FSTL5: variants seen among roughly 807,000 people sequenced by gnomAD.
The protein encoded by FSTL5 is follistatin like 5.
In FSTL5, 62 loss-of-function variants were observed where a neutral mutation model predicts 89.1. The ratio of observed to expected loss-of-function variants is 0.70; its 90% confidence interval spans 0.57 to 0.86. The LOEUF is 0.86. Among genes scored for constraint, FSTL5 ranks in the 40% least tolerant of loss-of-function variants. The pLI is 0.00. For missense variants in FSTL5, 1,057 were observed against 1,001.6 expected (o/e 1.06, Z -0.75); for synonymous variants, 383 against 346.2 (o/e 1.11, Z -1.18).
intron 6 of FSTL5, among the ~76,000 whole-genome samples, chr4:161,678,880 G>T (rs1737415249): frequency 6.6e-6 from 1 of 151,692 alleles, no homozygotes; most frequent in South Asian, 2.1e-4. Flanking sequence ...ACATGAAGGG[G>T]TATTAATGTC....
At chr4:161,795,999 G>T (rs1729622170) in intron 4 of FSTL5, among the ~76,000 whole-genome samples, 1 of 151,734 alleles carries the variant, frequency 6.6e-6, no homozygotes, top group African/African-American at 2.4e-5. Context: ...CATATGCACA[G>T]CCAAAAATAC....
At chr4:161,511,620 A>G (rs1722854476) in intron 10 of FSTL5, among the ~76,000 whole-genome samples, 1 of 152,172 alleles carries the variant, frequency 6.6e-6, no homozygotes, top group African/African-American at 2.4e-5. Flanking sequence ...TAATCATTAC[A>G]TAATATATAC....
intron 4 of FSTL5, among the ~76,000 whole-genome samples, chr4:161,893,831 T>A (rs1398946711): frequency 6.6e-6 from 1 of 152,160 alleles, no homozygotes; most frequent in African/African-American, 2.4e-5. Flanking sequence ...TCAGCAGTTT[T>A]TATTAACTGA....
chr4:162,004,954 C>A (rs1022364000), intron 3 of FSTL5, among the ~76,000 whole-genome samples: 1 of 152,098 alleles, frequency 6.6e-6, no homozygotes, highest in Non-Finnish European at 1.5e-5. Flanking sequence ...TTTCAAACCA[C>A]GCTTCACACT....
At chr4:161,871,045 T>C (rs1732246236) in intron 4 of FSTL5, among the ~76,000 whole-genome samples, 1 of 152,108 alleles carries the variant, frequency 6.6e-6, no homozygotes, top group Admixed American at 6.5e-5. Flanking sequence ...TTCATAATAT[T>C]TTTTTCCAGG....
intron 1 of FSTL5, among the ~76,000 whole-genome samples, chr4:162,123,727 G>T (rs565254011): frequency 1.3e-5 from 2 of 152,260 alleles, no homozygotes; most frequent in Admixed American, 6.5e-5. Flanking sequence ...CAAGTCATGA[G>T]CAAATAATAC....
At chr4:161,812,287 T>C (rs1730173635) in intron 4 of FSTL5, among the ~76,000 whole-genome samples, 1 of 152,192 alleles carries the variant, frequency 6.6e-6, no homozygotes, top group Non-Finnish European at 1.5e-5. Context: ...GCACTGTGAA[T>C]TTTCAAGAGA....
chr4:161,666,996 T>C (rs543412552), intron 6 of FSTL5, among the ~76,000 whole-genome samples: 4 of 150,680 alleles, frequency 2.7e-5, no homozygotes, highest in African/African-American at 1.0e-4. Flanking sequence ...TGAAATATTG[T>C]TTTTTATTCT....
At chr4:162,018,924 G>T (rs1453768585) in intron 3 of FSTL5, among the ~76,000 whole-genome samples, 1 of 152,068 alleles carries the variant, frequency 6.6e-6, no homozygotes, top group Non-Finnish European at 1.5e-5. Flanking sequence ...TGTCTGAATT[G>T]TCCATATATT....
intron 4 of FSTL5, among the ~76,000 whole-genome samples, chr4:161,843,688 T>C (rs551461735): frequency 9.1e-4 from 138 of 152,182 alleles, no homozygotes; most frequent in African/African-American, 3.2e-3. Flanking sequence ...AAACAAGCAA[T>C]GGGGAAAGGA....
intron 2 of FSTL5, among the ~76,000 whole-genome samples, chr4:162,064,984 C>A (rs570701468): frequency 3.5e-4 from 53 of 151,896 alleles, no homozygotes; most frequent in African/African-American, 1.3e-3. Flanking sequence ...GGGAAGAGTG[C>A]CATGAATACA....
At chr4:161,819,080 G>A (rs900617128) in intron 4 of FSTL5, among the ~76,000 whole-genome samples, 1 of 151,990 alleles carries the variant, frequency 6.6e-6, no homozygotes, top group Non-Finnish European at 1.5e-5. Context: ...TCTAAATATT[G>A]ATGCCTATGG....
chr4:161,775,666 C>G (rs1173462793), intron 5 of FSTL5, among the ~76,000 whole-genome samples: 1 of 151,906 alleles, frequency 6.6e-6, no homozygotes, highest in Non-Finnish European at 1.5e-5. Flanking sequence ...GTAGATATCT[C>G]TTTTTAAACT....
At chr4:161,503,480 A>G (rs1730371380) in intron 11 of FSTL5, among the ~76,000 whole-genome samples, 2 of 152,124 alleles carry the variant, frequency 1.3e-5, no homozygotes, top group Admixed American at 6.5e-5. Flanking sequence ...AATTTGGCAT[A>G]TATGCATGTG....
At chr4:162,143,173 TTC>T (rs1732815882) in intron 1 of FSTL5, among the ~76,000 whole-genome samples, 1 of 142,544 alleles carries the variant, frequency 7.0e-6, no homozygotes, top group African/African-American at 2.5e-5. Flanking sequence ...TCTATTTTTT[TTC>T]CATAATTAGC....
At chr4:161,860,460 A>G (rs1163872557) in intron 4 of FSTL5, among the ~76,000 whole-genome samples, 1 of 152,222 alleles carries the variant, frequency 6.6e-6, no homozygotes, top group Non-Finnish European at 1.5e-5. Flanking sequence ...TTCAAAGGTA[A>G]TAGGTCAGAC....
chr4:161,565,673 T>C (rs1407996400), intron 8 of FSTL5, among the ~76,000 whole-genome samples: 1 of 151,322 alleles, frequency 6.6e-6, no homozygotes, highest in Non-Finnish European at 1.5e-5. Flanking sequence ...AACACTTAAT[T>C]GTTAACCTAT....
At chr4:161,822,801 A>C (rs1041832293) in intron 4 of FSTL5, among the ~76,000 whole-genome samples, 1 of 152,216 alleles carries the variant, frequency 6.6e-6, no homozygotes, top group Non-Finnish European at 1.5e-5. Flanking sequence ...AATGAGGTAC[A>C]TGGACAACTA....
At chr4:161,463,145 C>A (rs112717127) in intron 13 of FSTL5, among the ~76,000 whole-genome samples, 1 of 151,912 alleles carries the variant, frequency 6.6e-6, no homozygotes, top group Non-Finnish European at 1.5e-5. Context: ...TTAGGATATA[C>A]CTATTTGGAG....
Sources: allele counts gnomAD v4.1 joint callset (sites outside exome capture counted in the v4.1 genomes callset), GRCh38; gene constraint gnomAD v4.1.1; transcripts MANE v1.5; gene names NCBI Gene and HGNC (gene_info 2026-07-23, HGNC 2026-07-21).